Variants in RAB27B observed in about 807,000 individuals in gnomAD.
RAB27B encodes the protein ras-related protein Rab-27B.
RAB27B carries 15 observed loss-of-function variants against 24.6 expected under a neutral mutation model. The ratio of observed to expected loss-of-function variants is 0.61; its 90% CI spans 0.41 to 0.94. RAB27B has a LOEUF of 0.94. RAB27B is among the 40% of genes least tolerant of loss of function. The pLI is 0.00. For synonymous variants in RAB27B, 105 were observed against 92.5 expected, an observed-to-expected ratio of 1.14 and a Z score of -0.78; for missense variants, 261 against 266.8, an observed-to-expected ratio of 0.98 and a Z score of 0.15.
At chr18:54,886,853 C>T (rs1300435041) in intron 4 of RAB27B, among the ~76,000 whole-genome samples, 1 of 152,048 alleles carries the variant, frequency 6.6e-6, no homozygotes. Flanking sequence ...TTGTCTTCTT[C>T]CTCTAGTCTT....
At chr18:54,782,730 G>A (rs527642952) in intron 2 of RAB27B, among the ~76,000 whole-genome samples, 19 of 152,292 alleles carry the variant, frequency 1.2e-4, no homozygotes, top group Middle Eastern at 3.4e-3. Flanking sequence ...TTGGAGTGAA[G>A]ATGACCCTTG....
At chr18:54,868,398 C>G (rs1912326932) in intron 1 of RAB27B, among the ~76,000 whole-genome samples, 1 of 152,166 alleles carries the variant, frequency 6.6e-6, no homozygotes, top group African/African-American at 2.4e-5. Context: ...AATGCCAGCA[C>G]CATGCTTCCT....
intron 1 of RAB27B, among the ~76,000 whole-genome samples, chr18:54,862,717 G>C (rs1008651353): frequency 2.0e-5 from 3 of 152,124 alleles, no homozygotes; most frequent in Non-Finnish European, 4.4e-5. Flanking sequence ...CCCAGTGTGG[G>C]ACCCACTGGA....
chr18:54,801,973 T>G (rs923079835), intron 2 of RAB27B, among the ~76,000 whole-genome samples: 4 of 152,288 alleles, frequency 2.6e-5, no homozygotes, highest in Non-Finnish European at 5.9e-5. Context: ...ATGGAACAGC[T>G]GATGGACTTG....
intron 1 of RAB27B, among the ~76,000 whole-genome samples, chr18:54,830,048 A>G (rs1370079352): frequency 6.6e-6 from 1 of 152,230 alleles, no homozygotes; most frequent in Non-Finnish European, 1.5e-5. Flanking sequence ...ATAAAACTGG[A>G]TGAGCCTGTT....
chr18:54,735,900 A>G (rs1271429373), intron 2 of RAB27B, among the ~76,000 whole-genome samples: 2 of 152,206 alleles, frequency 1.3e-5, no homozygotes, highest in Non-Finnish European at 2.9e-5. Flanking sequence ...AGGACTTTTC[A>G]TATATCAGGA....
chr18:54,724,372 C>A (rs1909462623), intron 2 of RAB27B, among the ~76,000 whole-genome samples: 2 of 151,468 alleles, frequency 1.3e-5, no homozygotes, highest in Admixed American at 6.6e-5. Context: ...TTAATGCATG[C>A]TTAGGCTACA....
chr18:54,859,276 G>T (rs1264281882), intron 1 of RAB27B, among the ~76,000 whole-genome samples: 1 of 152,134 alleles, frequency 6.6e-6, no homozygotes, highest in East Asian at 1.9e-4. Flanking sequence ...TGCTGAATTT[G>T]TGATTCTTTT....
At chr18:54,754,137 G>A (rs924727028) in intron 2 of RAB27B, among the ~76,000 whole-genome samples, 10 of 150,882 alleles carry the variant, frequency 6.6e-5, no homozygotes, top group African/African-American at 2.2e-4. Flanking sequence ...CGGGTGGGAG[G>A]TGATTGCATC....
intron 3 of RAB27B, among the ~76,000 whole-genome samples, chr18:54,883,265 C>T (rs1318170194): frequency 6.6e-6 from 1 of 151,996 alleles, no homozygotes; most frequent in South Asian, 2.1e-4. Context: ...GGCTTCTCAA[C>T]ACACAGGCTA....
Position 54,889,396 on chromosome 18 carries a change from A to G in RAB27B, c.640A>G (p.Lys214Glu). 6.2e-7 allele frequency: 1 copy of G among 1,612,634 alleles called. No homozygotes were observed. The highest frequency in any genetic ancestry group is 2.2e-5 in the East Asian group (1 of 44,826). ...GNLDGEKPPE[K>E]KCIC is the part of the protein sequence containing the mutation. ...CTTGGATGGGGAAAAGCCACCAGAG[A>G]AGAAATGTATCTGCTAGACTCTACA... Residue 214 changes from lysine (K) to glutamate (E), a missense_variant, in exon 6 of 6, where the codon AAG (lysine) becomes GAG (glutamate). Coordinates refer to ENST00000262094, the MANE Select transcript of RAB27B (RefSeq NM_004163.4).
chr18:54,839,980 GC>G (rs1911045627), intron 1 of RAB27B, among the ~76,000 whole-genome samples: 1 of 152,152 alleles, frequency 6.6e-6, no homozygotes, highest in Admixed American at 6.5e-5. Flanking sequence ...AACAAAAGAT[GC>G]TTTTTTGCAG....
intron 2 of RAB27B, among the ~76,000 whole-genome samples, chr18:54,757,002 C>T (rs542953274): frequency 6.6e-6 from 1 of 152,130 alleles, no homozygotes; most frequent in East Asian, 1.9e-4. Flanking sequence ...ATGACACCTG[C>T]AATGATCGCT....
At chr18:54,803,448 T>A (rs7241433) in intron 2 of RAB27B, among the ~76,000 whole-genome samples, 52,122 of 151,878 alleles carry the variant, frequency 0.34, 9,203 homozygotes, top group East Asian at 0.42. Flanking sequence ...AAATGAGCAG[T>A]TTGCATTTGT....
At chr18:54,880,834 C>T (rs919540541) in intron 3 of RAB27B, 2 of 152,114 alleles carry the variant, frequency 1.3e-5, no homozygotes, top group Non-Finnish European at 2.9e-5. Flanking sequence ...ATGGGGAATA[C>T]TCAGGGCAGG....
chr18:54,746,929 G>C (rs1910267586), intron 2 of RAB27B, among the ~76,000 whole-genome samples: 1 of 152,144 alleles, frequency 6.6e-6, no homozygotes, highest in African/African-American at 2.4e-5. Flanking sequence ...CTTTATCTAA[G>C]AATTCTGGCT....
chr18:54,888,559 TCC>T (rs1213890901), intron 5 of RAB27B, among the ~76,000 whole-genome samples: 1 of 151,496 alleles, frequency 6.6e-6, no homozygotes, highest in Admixed American at 6.6e-5. Flanking sequence ...CAAGAAATAA[TCC>T]CTGACAAGGG....
chr18:54,786,570 T>A (rs1191114565), intron 2 of RAB27B, among the ~76,000 whole-genome samples: 1 of 152,244 alleles, frequency 6.6e-6, no homozygotes, highest in Non-Finnish European at 1.5e-5. Flanking sequence ...TCTAGACACA[T>A]ATTTTGTGTC....
upstream of RAB27B, among the ~76,000 whole-genome samples, chr18:54,827,534 C>T (rs552172220): frequency 1.8e-4 from 27 of 152,210 alleles, no homozygotes; most frequent in Admixed American, 3.3e-4. Context: ...TGGGCTATTC[C>T]TTTGCTCCCT....
Sources: gnomAD v4.1 joint callset for allele counts (sites outside exome capture counted in the v4.1 genomes callset) on GRCh38, gnomAD v4.1.1 for gene constraint, MANE v1.5 for transcripts, NCBI Gene and HGNC (gene_info 2026-07-23, HGNC 2026-07-21) for gene names.